MYH9: variants seen among roughly 807,000 people sequenced by gnomAD.
The protein encoded by MYH9 is myosin-9.
A neutral mutation model predicts 241.9 loss-of-function variants in MYH9; 29 were observed. The ratio of observed to expected loss-of-function variants is 0.12; its 90% CI spans 0.09 to 0.16. MYH9 has a LOEUF of 0.16. MYH9 is among the 10% of genes least tolerant of loss of function. The pLI is 1.00. For missense variants in MYH9, 1,803 were observed against 2,595.5 expected (o/e 0.69, Z 6.63); for synonymous variants, 1,047 against 1,062.6 (o/e 0.99, Z 0.29).
intron 1 of MYH9, among the ~76,000 whole-genome samples, chr22:36,361,523 T>C (rs1350900691): frequency 6.6e-6 from 1 of 152,030 alleles, no homozygotes; most frequent in Non-Finnish European, 1.5e-5. Flanking sequence ...TTGTACACAA[T>C]GGATATAAAC....
intron 15 of MYH9, 73 bp downstream of exon 15, chr22:36,309,209 G>T: frequency 1.6e-6 from 2 of 1,279,236 alleles, no homozygotes; most frequent in Non-Finnish European, 2.3e-6. Context: ...TTGGCAGCTC[G>T]GCCCACTGTG....
chr22:36,326,480 G>T (rs749349830), intron 5 of MYH9, 88 bp downstream of exon 5: 10 of 1,206,040 alleles, frequency 8.3e-6, no homozygotes, highest in Non-Finnish European at 1.2e-5. Flanking sequence ...CTCTTGTAAA[G>T]CTGAAGCCGG....
In MYH9 at chr22:36,306,303, G is replaced by A. The variant is rs1347242236; in HGVS notation, c.2037+111C>T. On this transcript the variant is annotated intron_variant, in intron 16 of 40. Transcript: ENST00000216181. The surrounding 1 kb of genome is among the most constrained non-coding windows in gnomAD (Gnocchi z 4.1). ...CCACCCTGCAGAGAAACGACTGAAG[G>A]CTCTGTGCATGCTGGGGGGCTGGAG... 7.1e-7 allele frequency: 1 copy of A among 1,417,026 alleles called. No individual in the cohort carries two copies. Among genetic ancestry groups the A allele is most frequent in the East Asian group, 2.4e-5 (1 of 41,250 alleles). 87.8% of individuals were successfully genotyped at this position (1,417,026 alleles called of 1,614,324 possible).
At chr22:36,385,533 T>C (rs2018338664) in intron 1 of MYH9, among the ~76,000 whole-genome samples, 1 of 152,104 alleles carries the variant, frequency 6.6e-6, no homozygotes, top group East Asian at 1.9e-4. Context: ...GAGAGAGAAG[T>C]TGTCCCATCT....
intron 1 of MYH9, among the ~76,000 whole-genome samples, chr22:36,354,395 T>A (rs890271350): frequency 3.3e-5 from 5 of 151,094 alleles, no homozygotes; most frequent in African/African-American, 1.2e-4. Context: ...AGTGTTTTTT[T>A]CTTTTTTAAG....
intron 1 of MYH9, among the ~76,000 whole-genome samples, chr22:36,354,956 A>AACACACACACACACAC (rs136203): frequency 0.048 from 5,871 of 123,598 alleles, 313 homozygotes; most frequent in Middle Eastern, 0.1. Context: ...CAAAAAACAA[A>AACACACACACACACAC]ACACACACAC....
Position 36,296,847 on chromosome 22 carries a change from C to A in MYH9, c.3268G>T (p.Ala1090Ser), listed in dbSNP as rs757376268. Residue 1090 changes from alanine (A) to serine (S), a missense_variant, in exon 25 of 41, where the codon GCC becomes TCC. Transcript: ENST00000216181. Reference protein sequence around the residue: ...KKEEELQAALARVEEEAAQKN... With the variant: ...KKEEELQAALSRVEEEAAQKN... ...GCGGGCAGGCGGGGTCCTCACCTGG[C>A]CAGGGCGGCCTGGAGCTCCTCCTCT... The A allele has an allele frequency of 3.7e-6, 6 of 1,608,988 alleles. No individual in the cohort carries two copies. The highest frequency in any genetic ancestry group is 5.1e-6 in the Non-Finnish European group (6 of 1,178,576).
chr22:36,297,002 C>G lies in MYH9; in HGVS notation c.3113G>C (p.Arg1038Thr). ...MITDLEERLR[R>T]EEKQRQELEK... ...CAGCTCCTGTCGCTGCTTCTCCTCC[C>G]TGCGGAGGCGCTCTGCAATGCAGGG... The change falls in exon 25 of 41, where the codon AGG becomes ACG. Residue 1038 changes from arginine to threonine, a missense_variant. Arg to Thr is a moderately conservative substitution (Grantham distance 71). Around this residue, in one of 11 missense-constraint regions of MYH9, gnomAD observed 290 missense variants for 360.5 expected, o/e 0.80. Coordinates refer to ENST00000216181, the MANE Select transcript of MYH9 (RefSeq NM_002473.6). 6.2e-7 allele frequency: 1 copy of G among 1,614,042 alleles called. No homozygotes were observed. Among genetic ancestry groups the G allele is most frequent in the Non-Finnish European group, 8.5e-7 (1 of 1,180,036 alleles).
chr22:36,300,016 C>G lies in MYH9; in HGVS notation c.2976+111G>C. 1 of 1,466,828 alleles carries G rather than the reference C, an allele frequency of 6.8e-7. No individual in the cohort carries two copies. The allele number at this position is 1,466,828 out of a possible 1,614,324, so 90.9% of individuals were successfully genotyped here. A position where few individuals can be genotyped will look rare whatever the true frequency, so the allele number is the denominator to read the frequency against. ...TAAGCAGAAGCCCTCATGCTGCAGG[C>G]AGAAGAGACAGGAAGCAGCAGCAGC... On this transcript the variant is annotated intron_variant, in intron 23 of 40. Transcript: ENST00000216181. This position sits in a 1 kb window ranked among gnomAD's most constrained non-coding sequence, Gnocchi z 5.0.
intron 3 of MYH9, among the ~76,000 whole-genome samples, chr22:36,337,136 G>T (rs1370326618): frequency 6.6e-6 from 1 of 151,992 alleles, no homozygotes; most frequent in African/African-American, 2.4e-5. Flanking sequence ...TAGTCCAGTA[G>T]TTCTTAACTG....
chr22:36,314,338 T>C lies in MYH9; in HGVS notation c.1381-20A>G, dbSNP rs779906991. 2.5e-6 allele frequency: 4 copies of C among 1,613,632 alleles called. No individual in the cohort carries two copies. The highest frequency in any genetic ancestry group is 1.1e-5 in the South Asian group (1 of 91,060). ...GTTCAGCTGCAAGGAGAGAAAACAA[T>C]GTCAGAGAGACGCCAACCCTGCACT... On this transcript the variant is annotated intron_variant, in intron 12 of 40. Transcript: ENST00000216181.
At chr22:36,346,251 T>A (rs2017677108) in intron 2 of MYH9, among the ~76,000 whole-genome samples, 1 of 151,508 alleles carries the variant, frequency 6.6e-6, no homozygotes. Flanking sequence ...CCCCAAAGGG[T>A]GGGCATCGAT....
intron 3 of MYH9, among the ~76,000 whole-genome samples, chr22:36,339,231 G>T (rs1176441484): frequency 6.6e-6 from 1 of 152,134 alleles, no homozygotes; most frequent in Non-Finnish European, 1.5e-5. Context: ...AAGCAAAAAT[G>T]CCCAGTTGCT....
chr22:36,285,433 G>A lies in MYH9; in HGVS notation c.5275-104C>T, dbSNP rs541043624. 3 of 1,390,558 alleles carry A rather than the reference G, an allele frequency of 2.2e-6. No individual in the cohort carries two copies. The South Asian group carries it at 3.5e-5, about 16-fold the overall frequency. 86.1% of individuals were successfully genotyped at this position (1,390,558 alleles called of 1,614,324 possible). On this transcript the variant is annotated intron_variant, in intron 37 of 40. Coordinates refer to ENST00000216181, the MANE Select transcript of MYH9 (RefSeq NM_002473.6). The surrounding 1 kb of genome is among the most constrained non-coding windows in gnomAD (Gnocchi z 7.0). The stretch of plus-strand genomic sequence containing the variant: ...CAGCAGGATCCCACCAAACCCTTGG[G>A]GTCCAGAGTCTTGGGTCTCCCAGAA...
chr22:36,312,927 G>A lies in MYH9; in HGVS notation c.1555-705C>T, dbSNP rs139555546. ...AGCTCGAGACCAGCCTGGCCAACGT[G>A]GTGAAACTCCGTCTCTACTAATAAT... On this transcript the variant is annotated intron_variant, in intron 13 of 40. Transcript: ENST00000216181. Among the ~76,000 whole-genome samples the A allele has an allele frequency of 5.9e-3, 891 of 150,198 alleles. 7 individuals are homozygous for A. Among genetic ancestry groups the A allele is most frequent in the African/African-American group, 0.021 (852 of 40,864 alleles).
At position 36,360,712 on chromosome 22, in the gene MYH9, C is replaced by T. The variant is rs6000257; in HGVS notation, c.-19-11457G>A. Among the ~76,000 whole-genome samples the T allele has an allele frequency of 5.4e-3, 596 of 109,840 alleles. 2 individuals carry two copies. The highest frequency in any genetic ancestry group is 0.02 in the African/African-American group (568 of 28,838). 72.1% of individuals were successfully genotyped at this position (109,840 alleles called of 152,430 possible). A position where few individuals can be genotyped will look rare whatever the true frequency, so the allele number is the denominator to read the frequency against. On this transcript the variant is annotated intron_variant, in intron 1 of 40. Coordinates refer to ENST00000216181, the MANE Select transcript of MYH9 (RefSeq NM_002473.6). ...TGGGCAACAGTGTGAGACTCCATCT[C>T]AAAAAAAAAAAAAAGAAAGAAAAAG...
intron 13 of MYH9, 130 bp from the exon 14 acceptor site, chr22:36,312,352 A>T (rs1437864423): frequency 4.4e-6 from 4 of 902,060 alleles, no homozygotes; most frequent in Admixed American, 2.7e-5. Flanking sequence ...TCCCCAGGAG[A>T]AGCAAAGCAC....
chr22:36,287,451 AT>A (rs891579752), intron 34 of MYH9, among the ~76,000 whole-genome samples: 15 of 148,438 alleles, frequency 1.0e-4, no homozygotes, highest in South Asian at 2.2e-4. Context: ...TACACTTAAC[AT>A]TTTTTTTTTG....
chr22:36,314,460 G>A, intron 12 of MYH9, 142 bp from the exon 13 acceptor site: 3 of 1,038,872 alleles, frequency 2.9e-6, no homozygotes, highest in Non-Finnish European at 2.9e-6. Context: ...GAGCCCGGAT[G>A]CTCCTGGCCT....
Sources: allele counts gnomAD v4.1 joint callset (sites outside exome capture counted in the v4.1 genomes callset), GRCh38; gene constraint gnomAD v4.1.1; regional missense constraint gnomAD v4.1.1; non-coding constraint Gnocchi (gnomAD v3.1); transcripts MANE v1.5; gene names NCBI Gene and HGNC (gene_info 2026-07-23, HGNC 2026-07-21).